Variants in SWT1 observed in about 807,000 individuals in gnomAD.
SWT1 encodes the protein SWT1 RNA endoribonuclease homolog.
A neutral mutation model predicts 107.3 loss-of-function variants in SWT1; 33 were observed. The ratio of observed to expected loss-of-function variants is 0.31; its 90% CI spans 0.23 to 0.41. SWT1 has a LOEUF of 0.41. Ranked by LOEUF, SWT1 falls within the 10% of genes least tolerant of loss-of-function variation. The pLI, the probability that SWT1 is intolerant of heterozygous loss-of-function variation, is 1.00. For missense variants in SWT1, 898 were observed against 1,028.9 expected (o/e 0.87, Z 1.74); for synonymous variants, 345 against 348.3 (o/e 0.99, Z 0.11).
intron 4 of SWT1, 146 bp downstream of exon 4, chr1:185,168,544 T>G (rs1654787533): frequency 2.9e-6 from 1 of 341,378 alleles, no homozygotes; most frequent in Non-Finnish European, 5.2e-6. Context: ...GATTATAGAA[T>G]TGTCTTAATA....
At chr1:185,231,408 C>A (rs565663152) in intron 15 of SWT1, among the ~76,000 whole-genome samples, 169 bp from the exon 16 acceptor site, 118 of 152,242 alleles carry the variant, frequency 7.8e-4, no homozygotes, top group African/African-American at 2.7e-3. Flanking sequence ...TGAATCTTAT[C>A]CCAGACTTTC....
chr1:185,275,877 C>T (rs1162927642), intron 17 of SWT1, among the ~76,000 whole-genome samples: 2 of 151,942 alleles, frequency 1.3e-5, no homozygotes, highest in Non-Finnish European at 2.9e-5. Flanking sequence ...CATTCTTCCC[C>T]ACCAAAAAAT....
At chr1:185,177,196 G>A (rs2102357702) in intron 5 of SWT1, among the ~76,000 whole-genome samples, 1 of 152,208 alleles carries the variant, frequency 6.6e-6, no homozygotes, top group East Asian at 1.9e-4. Flanking sequence ...TTTTCTTCTT[G>A]TGTTATAACC....
At chr1:185,202,124 TGTC>T (rs1657933518) in intron 10 of SWT1, among the ~76,000 whole-genome samples, 1 of 152,128 alleles carries the variant, frequency 6.6e-6, no homozygotes, top group Non-Finnish European at 1.5e-5. Flanking sequence ...TTAATGCCCT[TGTC>T]GTTCTCTATA....
At chr1:185,218,379 C>T (rs1222987949) in intron 14 of SWT1, among the ~76,000 whole-genome samples, 1 of 152,106 alleles carries the variant, frequency 6.6e-6, no homozygotes, top group Non-Finnish European at 1.5e-5. Context: ...GATCATAGCT[C>T]ATAGCTCTCT....
intron 18 of SWT1, chr1:185,280,992 C>T (rs960399637): frequency 2.5e-6 from 1 of 394,694 alleles, no homozygotes; most frequent in African/African-American, 2.1e-5. Context: ...CTTGATATGT[C>T]CAAGAGTTTT....
At chr1:185,179,588 CA>C (rs1305859381) in intron 5 of SWT1, among the ~76,000 whole-genome samples, 1 of 152,200 alleles carries the variant, frequency 6.6e-6, no homozygotes, top group African/African-American at 2.4e-5. Flanking sequence ...TTGTAATCCT[CA>C]AGTTCCTTCT....
At chr1:185,252,406 A>C (rs1447974731) in intron 16 of SWT1, among the ~76,000 whole-genome samples, 1 of 152,182 alleles carries the variant, frequency 6.6e-6, no homozygotes, top group African/African-American at 2.4e-5. Context: ...CAACAGTGTA[A>C]AAGTGTTCCT....
At chr1:185,229,607 C>A (rs1660354966) in intron 15 of SWT1, among the ~76,000 whole-genome samples, 1 of 151,776 alleles carries the variant, frequency 6.6e-6, no homozygotes, top group Admixed American at 6.6e-5. Flanking sequence ...CTCTCGGTCT[C>A]CTCCTGCCTC....
At chr1:185,170,385 A>T (rs1157309216) in intron 4 of SWT1, among the ~76,000 whole-genome samples, 1 of 152,212 alleles carries the variant, frequency 6.6e-6, no homozygotes, top group Non-Finnish European at 1.5e-5. Flanking sequence ...GCACTGAGGC[A>T]CACCACTGTT....
At chr1:185,240,239 A>G (rs555799960) in intron 16 of SWT1, among the ~76,000 whole-genome samples, 1 of 152,196 alleles carries the variant, frequency 6.6e-6, no homozygotes, top group East Asian at 1.9e-4. Context: ...TTAAAAAACA[A>G]AAAAAGGTAA....
intron 18 of SWT1, among the ~76,000 whole-genome samples, chr1:185,288,990 A>G (rs1665102904): frequency 6.6e-6 from 1 of 152,202 alleles, no homozygotes; most frequent in African/African-American, 2.4e-5. Context: ...GGTAACTGCT[A>G]GGTAACTTGT....
rs1659687079 is a variant in SWT1 at position 185,221,926 on chromosome 1, T to C, written c.2199T>C (p.Ser733=). 6.2e-7 allele frequency: 1 copy of C among 1,612,276 alleles called. No individual in the cohort carries two copies. The highest frequency in any genetic ancestry group is 8.5e-7 in the Non-Finnish European group (1 of 1,179,254). Reference sequence around the variant, plus strand: ...AGGAAGGTACTTCATTGAAGAATTCTCATAATCAAGAAATCACTGTTTTCT... The same window carrying C: ...AGGAAGGTACTTCATTGAAGAATTCCCATAATCAAGAAATCACTGTTTTCT... ...KKQEGTSLKN[S]HNQEITVFSS... Residue 733 remains serine (S), a synonymous_variant, in exon 15 of 19, where the codon TCT becomes TCC. Transcript: ENST00000367500.
intron 2 of SWT1, 140 bp downstream of exon 2, chr1:185,161,065 C>A (rs1052408699): frequency 4.7e-6 from 3 of 637,144 alleles, no homozygotes; most frequent in Non-Finnish European, 8.0e-6. Flanking sequence ...TTTGCTTTTC[C>A]GGTTTTTTAC....
chr1:185,207,640 G>A (rs1441493130), intron 13 of SWT1, among the ~76,000 whole-genome samples: 3 of 152,198 alleles, frequency 2.0e-5, no homozygotes, highest in African/African-American at 7.2e-5. Context: ...GGTGGCTCAT[G>A]CCTGTAATCT....
intron 16 of SWT1, among the ~76,000 whole-genome samples, chr1:185,249,279 T>G (rs190644236): frequency 6.6e-6 from 1 of 152,126 alleles, no homozygotes; most frequent in Non-Finnish European, 1.5e-5. Flanking sequence ...AGAAATCATA[T>G]AGTGTCATTT....
At chr1:185,239,455 G>A (rs1353412790) in intron 16 of SWT1, among the ~76,000 whole-genome samples, 1 of 152,018 alleles carries the variant, frequency 6.6e-6, no homozygotes, top group African/African-American at 2.4e-5. Context: ...TTGTCGGTAT[G>A]GTTATATATT....
intron 10 of SWT1, among the ~76,000 whole-genome samples, chr1:185,198,366 G>T (rs1410106341): frequency 6.6e-6 from 1 of 152,144 alleles, no homozygotes; most frequent in Non-Finnish European, 1.5e-5. Context: ...AAATTATGTG[G>T]TCAGTTTTAG....
intron 16 of SWT1, among the ~76,000 whole-genome samples, chr1:185,252,125 G>A (rs1662084961): frequency 1.3e-5 from 2 of 152,282 alleles, no homozygotes; most frequent in South Asian, 2.1e-4. Flanking sequence ...CATTTTTTAT[G>A]GCTGCATAGT....
Sources: gnomAD v4.1 joint callset for allele counts (sites outside exome capture counted in the v4.1 genomes callset) on GRCh38, gnomAD v4.1.1 for gene constraint, MANE v1.5 for transcripts, NCBI Gene and HGNC (gene_info 2026-07-23, HGNC 2026-07-21) for gene names.